RBFOX3: variants seen among roughly 807,000 people sequenced by gnomAD.
The protein encoded by RBFOX3 is RNA binding protein fox-1 homolog 3.
Under a neutral mutation model 48.7 loss-of-function variants are expected in RBFOX3, and 17 were observed. That is an observed-to-expected ratio of 0.35 (90% CI 0.24 to 0.52). RBFOX3 has a LOEUF of 0.52. Ranked by LOEUF, RBFOX3 falls within the 20% of genes least tolerant of loss-of-function variation. RBFOX3 has a pLI of 0.94. For missense variants in RBFOX3, 382 were observed against 497.5 expected, an observed-to-expected ratio of 0.77 and a Z score of 2.21; for synonymous variants, 212 against 209.5, an observed-to-expected ratio of 1.01 and a Z score of -0.10.
At chr17:79,663,201 C>T in the RBFOX3 span, among the ~76,000 whole-genome samples, 19 of 152,106 alleles carry the variant, frequency 1.2e-4, no homozygotes, top group Non-Finnish European at 2.1e-4. Context: ...GGTAGAAATG[C>T]TATTTCTACC....
intron 1 of RBFOX3, among the ~76,000 whole-genome samples, chr17:79,501,235 G>A (rs2458562): frequency 0.97 from 147,534 of 152,314 alleles, 71,488 homozygotes; most frequent in Middle Eastern, 0.99. Context: ...TGAGCAATAC[G>A]CTCCAGCCTG....
rs140760545 is a variant in RBFOX3, at chr17:79,124,078, C to T, written c.-33-8330G>A. On this transcript the variant is annotated intron_variant, in intron 4 of 14. Transcript: ENST00000693108. The stretch of plus-strand genomic sequence containing the variant: ...GCAAGATGAGTTGGCATGGAGGTGG[C>T]GGCTGGCTCATCCCAGCATGTGAGT... Among the ~76,000 whole-genome samples the T allele has an allele frequency of 4.5e-4, 69 of 152,324 alleles. 1 individual carries two copies. Among genetic ancestry groups the T allele is most frequent in the South Asian group, 2.3e-3 (11 of 4,830 alleles).
At chr17:79,518,678 C>T (rs909067488) in intron 1 of RBFOX3, among the ~76,000 whole-genome samples, 2 of 152,238 alleles carry the variant, frequency 1.3e-5, no homozygotes, top group Non-Finnish European at 2.9e-5. Context: ...AGCCAGGCCT[C>T]AGGCTCCCCG....
chr17:79,529,203 C>T (rs936970155), intron 1 of RBFOX3, among the ~76,000 whole-genome samples: 3 of 152,178 alleles, frequency 2.0e-5, no homozygotes, highest in Non-Finnish European at 4.4e-5. Context: ...CTATAGTTAT[C>T]GCAAAACAAA....
intron 4 of RBFOX3, among the ~76,000 whole-genome samples, chr17:79,206,048 G>C (rs549409730): frequency 6.6e-6 from 1 of 152,294 alleles, no homozygotes; most frequent in East Asian, 1.9e-4. Context: ...GCAGGAAGGA[G>C]CAAGTCCAGC....
chr17:79,596,743 T>C (rs2093580244), intron 1 of RBFOX3, among the ~76,000 whole-genome samples: 3 of 152,078 alleles, frequency 2.0e-5, no homozygotes, highest in South Asian at 4.1e-4. Context: ...GGATCTGTGA[T>C]TTTTTGCTTT....
At chr17:79,293,186 C>T (rs1010639130) in intron 3 of RBFOX3, among the ~76,000 whole-genome samples, 2 of 152,206 alleles carry the variant, frequency 1.3e-5, no homozygotes, top group Non-Finnish European at 2.9e-5. Context: ...TCATTATCTC[C>T]GTTTAACAGG....
Position 79,095,582 on chromosome 17 carries a change from G to A in RBFOX3, c.937-8C>T, listed in dbSNP as rs887758601. ...GTAGGCTGCGTAGCCTCCCTGCAGG[G>A]TAAGTGGGAGGAGAGAGAGCAGAGG... On this transcript the variant is annotated splice_region_variant and splice_polypyrimidine_tract_variant and intron_variant, in intron 12 of 14. Transcript: ENST00000693108. The A allele has an allele frequency of 4.1e-5, 64 of 1,550,804 alleles. No individual in the cohort carries two copies. Among genetic ancestry groups the A allele is most frequent in the Non-Finnish European group, 5.3e-5 (61 of 1,146,416 alleles).
chr17:79,189,104 C>T (rs1167017915), intron 4 of RBFOX3, among the ~76,000 whole-genome samples: 1 of 152,264 alleles, frequency 6.6e-6, no homozygotes, highest in Non-Finnish European at 1.5e-5. Context: ...GGAACAGAAG[C>T]ACACAAAGGG....
At chr17:79,226,738 G>T (rs1567875052) in intron 4 of RBFOX3, among the ~76,000 whole-genome samples, 1 of 152,182 alleles carries the variant, frequency 6.6e-6, no homozygotes, top group African/African-American at 2.4e-5. Context: ...TGACTATGGG[G>T]GTTTAGCAGT....
chr17:79,309,836 C>T (rs1375747314), intron 2 of RBFOX3, among the ~76,000 whole-genome samples: 1 of 152,180 alleles, frequency 6.6e-6, no homozygotes, highest in Non-Finnish European at 1.5e-5. Context: ...ATGTAAGACG[C>T]ACCTCACTTC....
At chr17:79,624,688 C>T in the RBFOX3 span, among the ~76,000 whole-genome samples, 6 of 152,162 alleles carry the variant, frequency 3.9e-5, no homozygotes, top group South Asian at 8.3e-4. Context: ...CAAGGTGCTT[C>T]GGCACTTCTG....
In RBFOX3 at chr17:79,285,628, AAC is replaced by A. The variant is rs2071685046; in HGVS notation, c.-74+22094_-74+22095del. Among the ~76,000 whole-genome samples, 3 of 152,094 alleles carry A rather than the reference AAC, an allele frequency of 2.0e-5. No individual in the cohort carries two copies. In the South Asian group the frequency reaches 6.2e-4, roughly 32 times the overall value. On this transcript the variant is annotated intron_variant, in intron 3 of 14. Coordinates refer to ENST00000693108, the MANE Select transcript of RBFOX3 (RefSeq NM_001350451.2). ...CCGAAGATCCACTGACAGTGCCAGA[AAC>A]CACCTGCTCCTTTATCTGCTTTGAT...
chr17:79,146,602 A>G (rs969594550), intron 4 of RBFOX3, among the ~76,000 whole-genome samples: 5 of 152,214 alleles, frequency 3.3e-5, no homozygotes. Flanking sequence ...AAGCAGCCAG[A>G]CAAGCCTTGT....
At chr17:79,136,925 A>T (rs982271756) in intron 4 of RBFOX3, among the ~76,000 whole-genome samples, 7 of 152,088 alleles carry the variant, frequency 4.6e-5, no homozygotes, top group African/African-American at 1.7e-4. Flanking sequence ...CACTCGCTCT[A>T]AGAAGGAGGC....
the RBFOX3 span, among the ~76,000 whole-genome samples, chr17:79,620,029 A>G: frequency 6.6e-6 from 1 of 151,822 alleles, no homozygotes; most frequent in Non-Finnish European, 1.5e-5. Context: ...ACACGTGCAC[A>G]CATGCATATG....
intron 4 of RBFOX3, among the ~76,000 whole-genome samples, chr17:79,208,731 A>G (rs1186515482): frequency 2.0e-5 from 3 of 151,744 alleles, no homozygotes; most frequent in African/African-American, 7.3e-5. Flanking sequence ...CCGTGTCCCC[A>G]CGCTTGCTCC....
chr17:79,092,686 G>C (rs1027720049), intron 14 of RBFOX3: 7 of 919,498 alleles, frequency 7.6e-6, no homozygotes, highest in Middle Eastern at 2.9e-4. Context: ...ACCGTCTTTT[G>C]GAAGAGGGGA....
intron 3 of RBFOX3, among the ~76,000 whole-genome samples, chr17:79,237,827 G>A (rs766113045): frequency 2.0e-5 from 3 of 152,220 alleles, no homozygotes; most frequent in Non-Finnish European, 4.4e-5. Flanking sequence ...CTCACAAAAT[G>A]ACGCTGAGAA....
Sources: gnomAD v4.1 joint callset for allele counts (sites outside exome capture counted in the v4.1 genomes callset) on GRCh38, gnomAD v4.1.1 for gene constraint, MANE v1.5 for transcripts, NCBI Gene and HGNC (gene_info 2026-07-23, HGNC 2026-07-21) for gene names.